Variants in COQ8B observed in about 807,000 individuals in gnomAD.
The protein encoded by COQ8B is coenzyme Q8B.
COQ8B carries 44 observed loss-of-function variants against 62.0 expected under a neutral mutation model. That is an observed-to-expected ratio of 0.71 (90% CI 0.56 to 0.91). The LOEUF is 0.91. COQ8B is among the 40% of genes least tolerant of loss of function. COQ8B has a pLI of 0.00. For missense variants in COQ8B, 649 were observed against 731.6 expected, an observed-to-expected ratio of 0.89 and a Z score of 1.30; for synonymous variants, 252 against 289.9, an observed-to-expected ratio of 0.87 and a Z score of 1.33.
intron 13 of COQ8B, 38 bp downstream of exon 13, chr19:40,695,951 C>T: frequency 6.2e-7 from 1 of 1,604,300 alleles, no homozygotes; most frequent in Non-Finnish European, 8.5e-7. Flanking sequence ...GCTTGAGCCT[C>T]AGCCTTTCAG....
chr19:40,698,720 A>G (rs2082038496), intron 12 of COQ8B, among the ~76,000 whole-genome samples: 1 of 152,190 alleles, frequency 6.6e-6, no homozygotes, highest in Non-Finnish European at 1.5e-5. Context: ...CAGGATGCTC[A>G]GCAAAGGGTT....
At position 40,692,108 on chromosome 19, in the gene COQ8B, G is replaced by A. The variant is rs750307662; in HGVS notation, c.1562C>T (p.Ala521Val). The A allele has an allele frequency of 2.5e-6, 4 of 1,608,208 alleles. No individual in the cohort carries two copies. The highest frequency in any genetic ancestry group is 3.4e-6 in the Non-Finnish European group (4 of 1,177,592). Residue 521 changes from alanine (A) to valine (V), a missense_variant, in exon 15 of 15, where the codon GCC (alanine) becomes GTC (valine). Physicochemically the swap from Ala to Val is moderately conservative, Grantham distance 64 (BLOSUM62 0). Transcript: ENST00000324464. ...LFQDTYHRYW[A>V]SRQPDAATAG... Reference sequence around the variant, plus strand: ...AGTGGCTGCGTCTGGCTGGCGACTGGCCCAGTAGCGGTGGTAGGTGTCCTG... The same window carrying A: ...AGTGGCTGCGTCTGGCTGGCGACTGACCCAGTAGCGGTGGTAGGTGTCCTG...
intron 6 of COQ8B, 26 bp downstream of exon 6, chr19:40,705,299 G>A: frequency 6.3e-7 from 1 of 1,585,402 alleles, no homozygotes. Context: ...GAGGTCAGGG[G>A]TCAGGAGTCG....
chr19:40,714,366 A>C lies in COQ8B; in HGVS notation c.134T>G (p.Phe45Cys). The C allele has an allele frequency of 6.2e-7, 1 of 1,614,040 alleles. No individual in the cohort carries two copies. ...GCCTCTCCCAGGCCCATCCTGGTAAAACTTTTGGGCCCAAGAACCTCCACA... is the reference window on the plus strand; with the variant it reads ...GCCTCTCCCAGGCCCATCCTGGTAACACTTTTGGGCCCAAGAACCTCCACA... ...GPCGGSWAQK[F>C]YQDGPGRGLG... is the part of the protein sequence containing the mutation. Residue 45 changes from phenylalanine (F) to cysteine (C), a missense_variant, in exon 3 of 15, where the codon TTT (phenylalanine) becomes TGT (cysteine). Phe to Cys is a radical substitution (Grantham distance 205, BLOSUM62 -2). Coordinates refer to ENST00000324464, the MANE Select transcript of COQ8B (RefSeq NM_024876.4).
chr19:40,705,542 A>G, intron 5 of COQ8B, 95 bp from the exon 6 acceptor site: 1 of 1,372,760 alleles, frequency 7.3e-7, no homozygotes, highest in East Asian at 2.5e-5. Context: ...ACTTTGGGAG[A>G]CCCAGGCGGG....
chr19:40,693,644 C>T (rs2081990882), intron 13 of COQ8B, among the ~76,000 whole-genome samples: 2 of 152,304 alleles, frequency 1.3e-5, no homozygotes, highest in South Asian at 4.2e-4. Flanking sequence ...AGCTCTGCCA[C>T]CTGCCGGCCT....
chr19:40,703,687 C>G (rs769169423), intron 8 of COQ8B, 28 bp downstream of exon 8: 23 of 1,613,914 alleles, frequency 1.4e-5, no homozygotes, highest in Non-Finnish European at 1.9e-5. Flanking sequence ...GGGTGCCCGC[C>G]CCTACCCTGC....
rs57781535 is a variant in COQ8B, at chr19:40,715,845, C to CTGTGTG, written c.-4+736_-4+741dup. ...CACCTCCCATCCTATCTTTCTTTCT[C>CTGTGTG]TGTGTGTGTGTGTGTGTGTGTGTGT... On this transcript the variant is annotated intron_variant, in intron 1 of 14. Coordinates refer to ENST00000324464, the MANE Select transcript of COQ8B (RefSeq NM_024876.4). The CTGTGTG allele has an allele frequency of 5.7e-3, 855 of 149,396 alleles. 7 individuals carry two copies. Among genetic ancestry groups the CTGTGTG allele is most frequent in the East Asian group, 0.019 (92 of 4,956 alleles). 9.3% of individuals were successfully genotyped at this position (149,396 alleles called of 1,614,324 possible). A position where few individuals can be genotyped will look rare whatever the true frequency, so the allele number is the denominator to read the frequency against.
At chr19:40,714,836 T>G in intron 1 of COQ8B, 1 of 1,337,272 alleles carries the variant, frequency 7.5e-7, no homozygotes, top group East Asian at 3.1e-5. Context: ...CAAAACCCAC[T>G]TTCCCCCCTC....
At chr19:40,702,554 A>G (rs1282396497) in intron 10 of COQ8B, 46 bp downstream of exon 10, 1 of 1,591,230 alleles carries the variant, frequency 6.3e-7, no homozygotes, top group Admixed American at 1.7e-5. Context: ...CTTCCCACCC[A>G]GCCTGGGAGG....
At position 40,700,299 on chromosome 19, in the gene COQ8B, A is replaced by C. The variant is rs760280495; in HGVS notation, c.1035+11T>G. The C allele has an allele frequency of 2.5e-6, 4 of 1,612,574 alleles. No homozygotes were observed. In the South Asian group the frequency reaches 4.4e-5, roughly 18 times the overall value. The stretch of plus-strand genomic sequence containing the variant: ...GCCATGCCCTTCCCACTGTGCCACC[A>C]GACAGCATACCTGGTTCCGCAGGTC... On this transcript the variant is annotated intron_variant, in intron 11 of 14. Coordinates refer to ENST00000324464, the MANE Select transcript of COQ8B (RefSeq NM_024876.4).
At chr19:40,695,697 G>C (rs1166354964) in intron 13 of COQ8B, among the ~76,000 whole-genome samples, 6 of 152,068 alleles carry the variant, frequency 3.9e-5, no homozygotes, top group African/African-American at 1.4e-4. Context: ...TGTGATCTTG[G>C]GCACGTGACT....
chr19:40,715,998 TCCCCCACAGAACCCCGCTG>T lies in COQ8B; in HGVS notation c.-4+570_-4+588del, dbSNP rs2082182930. On this transcript the variant is annotated intron_variant, in intron 1 of 14. Transcript: ENST00000324464. ...TGGGAGAGGGAGGGATGCCGATGCT[TCCCCCACAGAACCCCGCTG>T]CCCCAACCCCTCTTGTCGGGAATCA... The T allele has an allele frequency of 2.0e-5, 3 of 152,258 alleles. No homozygotes were observed. The Admixed American group carries it at 2.0e-4, about 10-fold the overall frequency. The allele number at this position is 152,258 out of a possible 1,614,324, so 9.4% of individuals were successfully genotyped here. A position where few individuals can be genotyped will look rare whatever the true frequency, so the allele number is the denominator to read the frequency against.
In COQ8B at chr19:40,703,534, G is replaced by A. The variant is rs199855739; in HGVS notation, c.799+7C>T. 5.0e-6 allele frequency: 8 copies of A among 1,593,996 alleles called. No individual in the cohort carries two copies. The highest frequency in any genetic ancestry group is 2.2e-5 in the East Asian group (1 of 44,568). On this transcript the variant is annotated splice_region_variant and intron_variant, in intron 9 of 14. Transcript: ENST00000324464. ...GAGGTCAGCAGAGGAGTGGGTGGGC[G>A]CCTCACCCGCGGGCAGGGCCGCGCT...
chr19:40,695,641 C>T (rs1266633681), intron 13 of COQ8B, among the ~76,000 whole-genome samples: 1 of 152,098 alleles, frequency 6.6e-6, no homozygotes, highest in Non-Finnish European at 1.5e-5. Flanking sequence ...TGGTTGGAAG[C>T]TTGGGCTCTG....
chr19:40,703,675 C>G, intron 8 of COQ8B, 40 bp downstream of exon 8: 1 of 1,613,868 alleles, frequency 6.2e-7, no homozygotes. Context: ...TCTGGGCTAG[C>G]AGGGTGCCCG....
intron 13 of COQ8B, among the ~76,000 whole-genome samples, chr19:40,695,268 A>G (rs2082005032): frequency 6.6e-6 from 1 of 151,774 alleles, no homozygotes; most frequent in Admixed American, 6.6e-5. Flanking sequence ...TGGTGAGCCA[A>G]GATCGAGCCA....
chr19:40,692,096 G>A lies in COQ8B; in HGVS notation c.1574C>T (p.Pro525Leu), dbSNP rs760127927. 6.2e-7 allele frequency: 1 copy of A among 1,609,094 alleles called. No individual in the cohort carries two copies. Among genetic ancestry groups the A allele is most frequent in the South Asian group, 1.1e-5 (1 of 90,084 alleles). Residue 525 changes from proline (P) to leucine (L), a missense_variant, in exon 15 of 15, where the codon CCA becomes CTA. Physicochemically the swap from Pro to Leu is moderately conservative, Grantham distance 98. Coordinates refer to ENST00000324464, the MANE Select transcript of COQ8B (RefSeq NM_024876.4). ...GAGGCTGCCGGCAGTGGCTGCGTCT[G>A]GCTGGCGACTGGCCCAGTAGCGGTG... ...TYHRYWASRQ[P>L]DAATAGSLPT...
intron 12 of COQ8B, among the ~76,000 whole-genome samples, chr19:40,697,875 G>GAGAGAGAGAGAGAGAGAGAGAGAGAGAGC (rs58313890): frequency 1.2e-4 from 12 of 103,466 alleles, no homozygotes; most frequent in Non-Finnish European, 1.7e-4. Context: ...GAGAGAGAGA[G>GAGAGAGAGAGAGAGAGAGAGAGAGAGAGC]AGTTTCTACT....
Sources: allele counts gnomAD v4.1 joint callset (sites outside exome capture counted in the v4.1 genomes callset), GRCh38; gene constraint gnomAD v4.1.1; transcripts MANE v1.5; gene names NCBI Gene and HGNC (gene_info 2026-07-23, HGNC 2026-07-21).